The following BTBD10 variants were observed in gnomAD, a reference collection of about 807,000 sequenced individuals.
The protein encoded by BTBD10 is BTB domain containing 10.
In BTBD10, 21 loss-of-function variants were observed where a neutral mutation model predicts 53.2. The observed-to-expected ratio is 0.39, with a 90% CI of 0.28 to 0.57. The LOEUF (loss-of-function observed/expected upper bound fraction) is 0.57. BTBD10 is among the 20% of genes least tolerant of loss of function. BTBD10 has a pLI of 0.53. For synonymous variants in BTBD10, 149 were observed against 192.7 expected, an observed-to-expected ratio of 0.77 and a Z score of 1.88; for missense variants, 360 against 594.7, an observed-to-expected ratio of 0.61 and a Z score of 4.10.
chr11:13,447,090 T>A (rs1356172514), intron 1 of BTBD10, among the ~76,000 whole-genome samples: 1 of 152,202 alleles, frequency 6.6e-6, no homozygotes, highest in Non-Finnish European at 1.5e-5. Context: ...TCCTCAAGTA[T>A]AAACTATTTC....
chr11:13,458,554 G>A (rs895212872), intron 1 of BTBD10, among the ~76,000 whole-genome samples: 2 of 152,138 alleles, frequency 1.3e-5, no homozygotes, highest in South Asian at 4.1e-4. Context: ...CTTACTGCCT[G>A]CCAATATCTT....
chr11:13,428,485 T>C (rs1423275406), intron 2 of BTBD10, among the ~76,000 whole-genome samples: 2 of 151,646 alleles, frequency 1.3e-5, no homozygotes, highest in Non-Finnish European at 2.9e-5. Flanking sequence ...TCCCAAACAC[T>C]TGGAAATGAA....
At chr11:13,391,913 C>T (rs1412997374) in intron 8 of BTBD10, among the ~76,000 whole-genome samples, 1 of 152,194 alleles carries the variant, frequency 6.6e-6, no homozygotes, top group African/African-American at 2.4e-5. Flanking sequence ...CACCGCATTC[C>T]AGCCTGGTGA....
chr11:13,445,928 G>A (rs59213425), intron 1 of BTBD10, among the ~76,000 whole-genome samples: 5,191 of 152,188 alleles, frequency 0.034, 288 homozygotes, highest in African/African-American at 0.12. Flanking sequence ...ACCTTGCAAG[G>A]TAGGCATTAT....
chr11:13,411,200 A>C (rs1949935586), intron 6 of BTBD10, among the ~76,000 whole-genome samples: 1 of 152,214 alleles, frequency 6.6e-6, no homozygotes, highest in Admixed American at 6.5e-5. Flanking sequence ...AAAGTCAAAA[A>C]GATACAGTCT....
chr11:13,408,168 T>C (rs977613715), intron 6 of BTBD10, among the ~76,000 whole-genome samples: 2 of 152,178 alleles, frequency 1.3e-5, no homozygotes, highest in Admixed American at 6.5e-5. Context: ...AAGCTTGGGG[T>C]GGCTTATTAC....
intron 2 of BTBD10, among the ~76,000 whole-genome samples, chr11:13,439,341 G>T (rs1213138975): frequency 6.6e-6 from 1 of 152,150 alleles, no homozygotes; most frequent in African/African-American, 2.4e-5. Flanking sequence ...AACCTCAGTG[G>T]CAGTAGTTAG....
chr11:13,407,946 T>C (rs1565237104), intron 6 of BTBD10, among the ~76,000 whole-genome samples: 2 of 152,188 alleles, frequency 1.3e-5, no homozygotes, highest in African/African-American at 2.4e-5. Context: ...CTGTTTGACA[T>C]TCCTAGCTGA....
At chr11:13,453,882 C>T (rs1200693855) in intron 1 of BTBD10, among the ~76,000 whole-genome samples, 1 of 152,022 alleles carries the variant, frequency 6.6e-6, no homozygotes, top group Non-Finnish European at 1.5e-5. Flanking sequence ...TGAAACCCCA[C>T]TGGTACTAAA....
At chr11:13,447,114 T>C (rs1162015464) in intron 1 of BTBD10, among the ~76,000 whole-genome samples, 12 of 152,150 alleles carry the variant, frequency 7.9e-5, no homozygotes, top group Admixed American at 7.9e-4. Flanking sequence ...GATTAACCTT[T>C]CTTTCTCTTC....
At chr11:13,441,416 G>T (rs927860180) in intron 2 of BTBD10, among the ~76,000 whole-genome samples, 1 of 151,954 alleles carries the variant, frequency 6.6e-6, no homozygotes, top group African/African-American at 2.4e-5. Context: ...ACACAATTAT[G>T]TGCCAATTTT....
At chr11:13,414,776 G>A (rs1354250442) in intron 5 of BTBD10, among the ~76,000 whole-genome samples, 1 of 138,788 alleles carries the variant, frequency 7.2e-6, no homozygotes, top group Non-Finnish European at 1.5e-5. Context: ...GGAGGCAGAG[G>A]TTGCAGTGAG....
intron 2 of BTBD10, 23 bp downstream of exon 2, chr11:13,445,001 C>T (rs746738109): frequency 1.2e-5 from 19 of 1,562,024 alleles, no homozygotes; most frequent in South Asian, 8.9e-5. Context: ...CTTTCATATG[C>T]GAAATACATA....
intron 1 of BTBD10, among the ~76,000 whole-genome samples, chr11:13,461,460 G>A (rs974015226): frequency 6.6e-6 from 1 of 152,096 alleles, no homozygotes; most frequent in Non-Finnish European, 1.5e-5. Flanking sequence ...AGTACCCGAA[G>A]GCATGTGAGT....
At chr11:13,456,382 G>C (rs1950968926) in intron 1 of BTBD10, among the ~76,000 whole-genome samples, 1 of 151,978 alleles carries the variant, frequency 6.6e-6, no homozygotes, top group Non-Finnish European at 1.5e-5. Context: ...AAACATTCAG[G>C]AAAACATGAA....
intron 2 of BTBD10, among the ~76,000 whole-genome samples, chr11:13,442,732 A>C (rs1950682485): frequency 6.6e-6 from 1 of 152,154 alleles, no homozygotes; most frequent in South Asian, 2.1e-4. Flanking sequence ...ACTATTCCAT[A>C]ACAGTGCACT....
intron 1 of BTBD10, among the ~76,000 whole-genome samples, chr11:13,461,919 T>C (rs1451821549): frequency 6.6e-6 from 1 of 151,086 alleles, no homozygotes; most frequent in Non-Finnish European, 1.5e-5. Context: ...TCAGAAATAA[T>C]TCTTCTCACA....
intron 2 of BTBD10, among the ~76,000 whole-genome samples, chr11:13,424,998 G>C (rs530317656): frequency 6.6e-6 from 1 of 152,250 alleles, no homozygotes; most frequent in Admixed American, 6.5e-5. Context: ...AAGTACCAGA[G>C]AGGAGAGTGT....
intron 8 of BTBD10, among the ~76,000 whole-genome samples, chr11:13,389,930 T>A (rs1949363377): frequency 6.6e-6 from 1 of 152,288 alleles, no homozygotes; most frequent in South Asian, 2.1e-4. Context: ...AAGGCCAATA[T>A]TTTAACCTCC....
Sources: allele counts gnomAD v4.1 joint callset (sites outside exome capture counted in the v4.1 genomes callset), GRCh38; gene constraint gnomAD v4.1.1; transcripts MANE v1.5; gene names NCBI Gene and HGNC (gene_info 2026-07-23, HGNC 2026-07-21).